The following AFF1 variants were observed in gnomAD, a reference collection of about 807,000 sequenced individuals.
AFF1 encodes ALF transcription elongation factor 1.
In AFF1, 48 loss-of-function variants were observed where a neutral mutation model predicts 121.7. The observed-to-expected ratio is 0.39, with a 90% confidence interval of 0.31 to 0.50. AFF1 has a LOEUF of 0.50. AFF1 is among the 20% of genes least tolerant of loss of function. The pLI is 0.76. For missense variants in AFF1, 1,523 were observed against 1,511.7 expected (o/e 1.01, Z -0.12); for synonymous variants, 613 against 563.0 (o/e 1.09, Z -1.26).
intron 11 of AFF1, among the ~76,000 whole-genome samples, chr4:87,108,893 G>C (rs1290812483): frequency 1.3e-5 from 2 of 152,158 alleles, no homozygotes; most frequent in Non-Finnish European, 2.9e-5. Context: ...GATGGTGTTT[G>C]CTTGTCACCC....
intron 8 of AFF1, among the ~76,000 whole-genome samples, chr4:87,098,222 G>C (rs1024367020): frequency 1.3e-5 from 2 of 152,158 alleles, no homozygotes; most frequent in Admixed American, 1.3e-4. Flanking sequence ...CGTGGTAGAA[G>C]GATGTAGTTG....
intron 2 of AFF1, among the ~76,000 whole-genome samples, chr4:86,962,668 T>A (rs1722235312): frequency 6.6e-6 from 1 of 152,170 alleles, no homozygotes; most frequent in South Asian, 2.1e-4. Flanking sequence ...TGGCACTGTA[T>A]GTGAACTGTA....
chr4:87,068,440 C>T (rs1721614683), intron 4 of AFF1, among the ~76,000 whole-genome samples: 1 of 152,212 alleles, frequency 6.6e-6, no homozygotes, highest in Admixed American at 6.5e-5. Flanking sequence ...AACTATTTTG[C>T]TTGTGTGCTA....
intron 2 of AFF1, 150 bp downstream of exon 2, chr4:86,948,721 A>T (rs1721045698): frequency 2.8e-6 from 2 of 722,852 alleles, no homozygotes; most frequent in Admixed American, 5.4e-5. Flanking sequence ...CTCTACATGA[A>T]GTCAAACTTG....
intron 2 of AFF1, among the ~76,000 whole-genome samples, chr4:86,971,902 T>C (rs1255684794): frequency 6.6e-6 from 1 of 152,070 alleles, no homozygotes; most frequent in Non-Finnish European, 1.5e-5. Context: ...TTGGGGAGGC[T>C]AAGACTGGAG....
intron 2 of AFF1, among the ~76,000 whole-genome samples, chr4:86,962,081 G>A (rs1188276844): frequency 6.6e-6 from 1 of 151,984 alleles, no homozygotes; most frequent in African/African-American, 2.4e-5. Flanking sequence ...GACAAAGCCA[G>A]GGAGTTGAGA....
intron 2 of AFF1, among the ~76,000 whole-genome samples, chr4:86,976,713 A>AT (rs1477437999): frequency 1.3e-5 from 2 of 152,188 alleles, no homozygotes; most frequent in Non-Finnish European, 2.9e-5. Flanking sequence ...ACAACATGCA[A>AT]TTTACCTGTA....
intron 4 of AFF1, among the ~76,000 whole-genome samples, chr4:87,057,904 C>T (rs1276095523): frequency 6.6e-6 from 1 of 152,128 alleles, no homozygotes; most frequent in Non-Finnish European, 1.5e-5. Context: ...TCCCCCCGCC[C>T]ACCATCCCCA....
At chr4:87,047,757 G>T (rs1205766644) in intron 4 of AFF1, 163 bp downstream of exon 4, 10 of 927,312 alleles carry the variant, frequency 1.1e-5, no homozygotes, top group Non-Finnish European at 1.6e-5. Flanking sequence ...GAAAAACTCA[G>T]ATCTGAGATG....
chr4:86,949,615 C>T, intron 2 of AFF1: 1 of 1,425,984 alleles, frequency 7.0e-7, no homozygotes, highest in South Asian at 1.2e-5. Flanking sequence ...CCCCACTCCT[C>T]CCCCAGAATG....
chr4:86,989,823 A>G (rs1724558951), intron 2 of AFF1, among the ~76,000 whole-genome samples: 1 of 152,260 alleles, frequency 6.6e-6, no homozygotes, highest in Admixed American at 6.5e-5. Context: ...CGGCACGTAT[A>G]TACCATGGAA....
Position 87,048,182 on chromosome 4 carries a change from C to G in AFF1, c.1059+588C>G, listed in dbSNP as rs145733442. The G allele has an allele frequency of 8.7e-3, 1,333 of 153,900 alleles. 24 individuals are homozygous for G. The highest frequency in any genetic ancestry group is 0.031 in the African/African-American group (1,282 of 41,494). 9.5% of individuals were successfully genotyped at this position (153,900 alleles called of 1,614,324 possible). A position where few individuals can be genotyped will look rare whatever the true frequency, so the allele number is the denominator to read the frequency against. On this transcript the variant is annotated intron_variant, in intron 4 of 20. Transcript: ENST00000395146. Reference sequence around the variant, plus strand: ...GGAACTTTATAACTAAAGTTCTGTTCTAATATTTTATTATTTATCACCTAA... The same window carrying G: ...GGAACTTTATAACTAAAGTTCTGTTGTAATATTTTATTATTTATCACCTAA...
intron 2 of AFF1, among the ~76,000 whole-genome samples, chr4:86,954,290 C>T (rs1012660547): frequency 2.0e-5 from 3 of 152,116 alleles, no homozygotes; most frequent in African/African-American, 7.2e-5. Context: ...ACTTTTGGCT[C>T]CCTAAAAGCT....
chr4:87,062,955 A>G (rs922836235), intron 4 of AFF1, among the ~76,000 whole-genome samples: 1 of 152,202 alleles, frequency 6.6e-6, no homozygotes, highest in Admixed American at 6.5e-5. Context: ...TTTGGGATTA[A>G]GGAAGACTTG....
intron 8 of AFF1, among the ~76,000 whole-genome samples, chr4:87,101,897 G>A (rs1725469267): frequency 6.6e-6 from 1 of 152,260 alleles, no homozygotes; most frequent in African/African-American, 2.4e-5. Flanking sequence ...GGTCTGAATT[G>A]AGATGTTACA....
At chr4:86,941,651 C>CATAAATAA (rs71657599) in intron 1 of AFF1, among the ~76,000 whole-genome samples, 45 of 150,776 alleles carry the variant, frequency 3.0e-4, no homozygotes, top group Non-Finnish European at 4.7e-4. Flanking sequence ...GACTCTGTCT[C>CATAAATAA]ATAAATAAAT....
chr4:87,105,886 A>G (rs199590406), intron 10 of AFF1, 41 bp downstream of exon 10: 224 of 1,606,384 alleles, frequency 1.4e-4, no homozygotes, highest in Non-Finnish European at 1.7e-4. Context: ...GAATGTTTGC[A>G]ATTTTTTACC....
chr4:87,007,132 G>C, intron 2 of AFF1: 1 of 1,268,538 alleles, frequency 7.9e-7, no homozygotes, highest in Non-Finnish European at 9.9e-7. Context: ...CCCGGATTCG[G>C]ACGCGGCGCT....
chr4:87,125,171 A>C, intron 13 of AFF1, 28 bp downstream of exon 13: 2 of 1,540,816 alleles, frequency 1.3e-6, no homozygotes, highest in Non-Finnish European at 1.8e-6. Flanking sequence ...CAACCACCTA[A>C]TCTACGGTGA....
Sources: gnomAD v4.1 joint callset for allele counts (sites outside exome capture counted in the v4.1 genomes callset) on GRCh38, gnomAD v4.1.1 for gene constraint, MANE v1.5 for transcripts, NCBI Gene and HGNC (gene_info 2026-07-23, HGNC 2026-07-21) for gene names.